REC114: variants seen among roughly 807,000 people sequenced by gnomAD.
The protein encoded by REC114 is meiotic recombination protein REC114.
Under a neutral mutation model 31.3 loss-of-function variants are expected in REC114, and 27 were observed. The ratio of observed to expected loss-of-function variants is 0.86; its 90% CI spans 0.64 to 1.19. The LOEUF is 1.19. Among genes scored for constraint, REC114 ranks in the 50% most tolerant of loss-of-function variants. REC114 has a pLI of 0.00. For missense variants in REC114, 344 were observed against 326.9 expected (o/e 1.05, Z -0.40); for synonymous variants, 134 against 127.7 (o/e 1.05, Z -0.33).
chr15:73,556,459 T>G, intron 5 of REC114, 68 bp downstream of exon 5: 1 of 1,321,292 alleles, frequency 7.6e-7, no homozygotes, highest in South Asian at 1.3e-5. Context: ...TTTGTATCCC[T>G]TTGTTCAATT....
chr15:73,458,410 C>T (rs995848015), intron 1 of REC114, among the ~76,000 whole-genome samples: 6 of 152,170 alleles, frequency 3.9e-5, no homozygotes, highest in South Asian at 4.1e-4. Flanking sequence ...CATTAGTTAT[C>T]TTCTCATATG....
chr15:73,522,592 C>T (rs1486892570), intron 2 of REC114, among the ~76,000 whole-genome samples: 1 of 152,032 alleles, frequency 6.6e-6, no homozygotes, highest in East Asian at 1.9e-4. Flanking sequence ...GAGATTCACC[C>T]ATATTGTTGT....
intron 2 of REC114, among the ~76,000 whole-genome samples, chr15:73,507,503 A>C (rs998493321): frequency 1.3e-5 from 2 of 152,184 alleles, no homozygotes; most frequent in Non-Finnish European, 2.9e-5. Flanking sequence ...ATTTGGTAAA[A>C]TTTCAGTGGT....
chr15:73,545,073 A>G (rs551404269), intron 3 of REC114, among the ~76,000 whole-genome samples: 1 of 152,240 alleles, frequency 6.6e-6, no homozygotes, highest in Non-Finnish European at 1.5e-5. Context: ...GCCAGCACTT[A>G]GTAGGCCTAA....
Position 73,545,214 on chromosome 15 carries a change from T to C in REC114, c.333+4646T>C, listed in dbSNP as rs753137093. On this transcript the variant is annotated intron_variant, in intron 3 of 5. Coordinates refer to ENST00000331090, the MANE Select transcript of REC114 (RefSeq NM_001042367.2). ...GAAGGAGGGCAGGTGCAACTTTACATGTAAGCCACCACTTCAGATACAGTA... is the reference window on the plus strand; with the variant it reads ...GAAGGAGGGCAGGTGCAACTTTACACGTAAGCCACCACTTCAGATACAGTA... Among the ~76,000 whole-genome samples the C allele has an allele frequency of 2.6e-5, 4 of 152,332 alleles. No individual in the cohort carries two copies. In the East Asian group the frequency reaches 7.7e-4, roughly 29 times the overall value.
intron 2 of REC114, among the ~76,000 whole-genome samples, chr15:73,478,614 G>A (rs1342238247): frequency 1.3e-5 from 2 of 152,126 alleles, no homozygotes; most frequent in African/African-American, 4.8e-5. Flanking sequence ...CTACAAAAAA[G>A]CTTGCTGGGA....
At chr15:73,554,002 C>T (rs987982686) in intron 4 of REC114, among the ~76,000 whole-genome samples, 8 of 152,172 alleles carry the variant, frequency 5.3e-5, no homozygotes, top group African/African-American at 1.9e-4. Flanking sequence ...GTACCCAATA[C>T]AATGCCTGGC....
At chr15:73,471,907 A>C (rs1196935617) in intron 1 of REC114, among the ~76,000 whole-genome samples, 1 of 152,192 alleles carries the variant, frequency 6.6e-6, no homozygotes, top group Non-Finnish European at 1.5e-5. Context: ...CCACTCATAT[A>C]ATTAAAACTA....
At chr15:73,448,862 G>A (rs930139762) in intron 1 of REC114, among the ~76,000 whole-genome samples, 2 of 152,174 alleles carry the variant, frequency 1.3e-5, no homozygotes, top group Non-Finnish European at 2.9e-5. Context: ...AGGGTCTGGA[G>A]TGGACCTCCA....
At chr15:73,461,891 G>GAGAT (rs1300246782) in intron 1 of REC114, among the ~76,000 whole-genome samples, 1 of 145,678 alleles carries the variant, frequency 6.9e-6, no homozygotes, top group Admixed American at 6.8e-5. Context: ...TTGGTCATTA[G>GAGAT]AGATAACATT....
At chr15:73,519,170 A>G (rs1893902894) in intron 2 of REC114, among the ~76,000 whole-genome samples, 1 of 152,230 alleles carries the variant, frequency 6.6e-6, no homozygotes. Flanking sequence ...TCAATGGAAT[A>G]GTATTATAAG....
chr15:73,450,944 A>C (rs887737102), intron 1 of REC114, among the ~76,000 whole-genome samples: 2 of 152,240 alleles, frequency 1.3e-5, no homozygotes, highest in Non-Finnish European at 2.9e-5. Flanking sequence ...CAATGAAAAC[A>C]AAGACAAAAC....
chr15:73,503,224 A>G (rs1286653881), intron 2 of REC114, among the ~76,000 whole-genome samples: 1 of 152,232 alleles, frequency 6.6e-6, no homozygotes, highest in Non-Finnish European at 1.5e-5. Context: ...AAATGCTTAC[A>G]GCAGTTTTAT....
At chr15:73,545,291 G>A (rs1329447862) in intron 3 of REC114, among the ~76,000 whole-genome samples, 1 of 152,174 alleles carries the variant, frequency 6.6e-6, no homozygotes, top group Admixed American at 6.5e-5. Flanking sequence ...TATATTTGGC[G>A]AAGTTCGTGA....
At chr15:73,483,691 CTGTATCAT>C (rs934773298) in intron 2 of REC114, 2 of 152,420 alleles carry the variant, frequency 1.3e-5, no homozygotes, top group African/African-American at 4.8e-5. Context: ...GATCTTTTCA[CTGTATCAT>C]TGCCCTTCTC....
At chr15:73,552,348 T>C (rs1180743542) in intron 4 of REC114, among the ~76,000 whole-genome samples, 2 of 152,226 alleles carry the variant, frequency 1.3e-5, no homozygotes, top group African/African-American at 4.8e-5. Flanking sequence ...GCAGCAAATA[T>C]AAGAATCTAG....
chr15:73,463,936 G>A (rs80199986), intron 1 of REC114, among the ~76,000 whole-genome samples: 6 of 152,102 alleles, frequency 3.9e-5, no homozygotes, highest in Non-Finnish European at 7.4e-5. Context: ...GATATGTCTA[G>A]TTATTGATTT....
intron 1 of REC114, among the ~76,000 whole-genome samples, chr15:73,470,595 A>G (rs1893120456): frequency 6.6e-6 from 1 of 152,222 alleles, no homozygotes; most frequent in Admixed American, 6.5e-5. Flanking sequence ...GCATTTGAAT[A>G]TAACAGTGTC....
rs535098993 is a variant in REC114, at chr15:73,547,970, T to TA, written c.334-2965dup. Among the ~76,000 whole-genome samples the TA allele has an allele frequency of 4.6e-5, 7 of 151,630 alleles. No homozygotes were observed. In the South Asian group the frequency reaches 1.5e-3, roughly 32 times the overall value. On this transcript the variant is annotated intron_variant, in intron 3 of 5. Coordinates refer to ENST00000331090, the MANE Select transcript of REC114 (RefSeq NM_001042367.2). ...ACAGCAAAAGAAACTATCAACAAAGTAAACACAAAACCTATAGAATAGGAG... is the reference window on the plus strand; with the variant it reads ...ACAGCAAAAGAAACTATCAACAAAGTAAAACACAAAACCTATAGAATAGGAG...
Sources: gnomAD v4.1 joint callset for allele counts (sites outside exome capture counted in the v4.1 genomes callset) on GRCh38, gnomAD v4.1.1 for gene constraint, MANE v1.5 for transcripts, NCBI Gene and HGNC (gene_info 2026-07-23, HGNC 2026-07-21) for gene names.